LMF1: variants seen among roughly 807,000 people sequenced by gnomAD.
The protein encoded by LMF1 is lipase maturation factor 1.
LMF1 carries 68 observed loss-of-function variants against 60.6 expected under a neutral mutation model. The ratio of observed to expected loss-of-function variants is 1.12; its 90% CI spans 0.92 to 1.37. The LOEUF is 1.37. Ranked by LOEUF, LMF1 falls within the 40% of genes most tolerant of loss-of-function variation. The pLI is 0.00. For synonymous variants in LMF1, 418 were observed against 324.7 expected, an observed-to-expected ratio of 1.29 and a Z score of -3.09; for missense variants, 948 against 767.2, an observed-to-expected ratio of 1.24 and a Z score of -2.78.
intron 2 of LMF1, among the ~76,000 whole-genome samples, chr16:940,058 G>A (rs937657847): frequency 6.6e-6 from 1 of 152,192 alleles, no homozygotes; most frequent in African/African-American, 2.4e-5. Flanking sequence ...AGGGGAGGAG[G>A]CAAAGCGGCA....
chr16:975,138 T>C (rs1000920773), upstream of LMF1, among the ~76,000 whole-genome samples: 1 of 152,110 alleles, frequency 6.6e-6, no homozygotes, highest in Non-Finnish European at 1.5e-5. Flanking sequence ...TGGCTCACCC[T>C]GTCCTCTCCC....
At chr16:894,121 G>T (rs371734700) in intron 4 of LMF1, among the ~76,000 whole-genome samples, 2,340 of 7,730 alleles carry the variant, frequency 0.3, 471 homozygotes, top group African/African-American at 0.44. Context: ...CCTGTCCACC[G>T]GACCGTCTGC....
At chr16:860,466 A>C (rs576457868) in intron 10 of LMF1, among the ~76,000 whole-genome samples, 3 of 151,840 alleles carry the variant, frequency 2.0e-5, no homozygotes, top group African/African-American at 7.3e-5. Context: ...CAGCCTCCCG[A>C]GTAGCTGGGA....
In LMF1 at chr16:871,426, G is replaced by A. The variant is rs531327980; in HGVS notation, c.898-85C>T. 4.7e-4 allele frequency: 639 copies of A among 1,373,788 alleles called. 9 individuals are homozygous for A. The South Asian group carries it at 5.7e-3, about 12-fold the overall frequency. The allele number at this position is 1,373,788 out of a possible 1,614,324, so 85.1% of individuals were successfully genotyped here. On this transcript the variant is annotated intron_variant, in intron 6 of 10. Coordinates refer to ENST00000262301, the MANE Select transcript of LMF1 (RefSeq NM_022773.4). ...GGCGCCTCTCTTCCTGGAGCAGGGA[G>A]GGGGGAGGGAACCTGCACCCAGCTC...
At position 854,143 on chromosome 16, in the gene LMF1, C is replaced by T. The variant is rs568963656; in HGVS notation, c.*389G>A. On this transcript the variant is annotated 3_prime_UTR_variant, in exon 11 of 11. Coordinates refer to ENST00000262301, the MANE Select transcript of LMF1 (RefSeq NM_022773.4). Reference sequence around the variant, plus strand: ...AGGGAACAGAAACCAGGCCCTGGGACGCTAGAGACCCCAAGAGCTACCTGG... The same window carrying T: ...AGGGAACAGAAACCAGGCCCTGGGATGCTAGAGACCCCAAGAGCTACCTGG... 9.3e-5 allele frequency: 44 copies of T among 473,480 alleles called. No individual in the cohort carries two copies. The highest frequency in any genetic ancestry group is 6.5e-4 in the Middle Eastern group (1 of 1,546). The allele number at this position is 473,480 out of a possible 1,614,324, so 29.3% of individuals were successfully genotyped here.
intron 3 of LMF1, among the ~76,000 whole-genome samples, chr16:920,741 A>G (rs1242705667): frequency 1.3e-5 from 2 of 152,236 alleles, no homozygotes; most frequent in Admixed American, 1.3e-4. Flanking sequence ...TAGTCAAGAA[A>G]CTGGCAACGG....
rs551803096 is a variant in LMF1, at chr16:962,211, A to G, written c.194-7545T>C. Among the ~76,000 whole-genome samples the G allele has an allele frequency of 3.1e-5, 4 of 129,396 alleles. No individual in the cohort carries two copies. Among genetic ancestry groups the G allele is most frequent in the Admixed American group, 2.4e-4 (3 of 12,442 alleles). 84.9% of individuals were successfully genotyped at this position (129,396 alleles called of 152,430 possible). A position where few individuals can be genotyped will look rare whatever the true frequency, so the allele number is the denominator to read the frequency against. On this transcript the variant is annotated intron_variant, in intron 1 of 10. Coordinates refer to ENST00000262301, the MANE Select transcript of LMF1 (RefSeq NM_022773.4). This position sits in a 1 kb window ranked among gnomAD's most constrained non-coding sequence, Gnocchi z 4.5. ...GCACGGGATCACGACCCAGACACAG[A>G]CTCACGGTGACAGCATGGGATCACG...
rs59278278 is a variant in LMF1, at chr16:954,960, A to C, written c.194-294T>G. 3.2e-3 allele frequency among the ~76,000 whole-genome samples: 179 copies of C among 55,938 alleles called. 15 individuals carry two copies. Among genetic ancestry groups the C allele is most frequent in the African/African-American group, 0.026 (174 of 6,682 alleles). 36.7% of individuals were successfully genotyped at this position (55,938 alleles called of 152,430 possible). A position where few individuals can be genotyped will look rare whatever the true frequency, so the allele number is the denominator to read the frequency against. On this transcript the variant is annotated intron_variant, in intron 1 of 10. Coordinates refer to ENST00000262301, the MANE Select transcript of LMF1 (RefSeq NM_022773.4). Reference sequence around the variant, plus strand: ...CGCAGCAGACGCGGTGTGTGCATCCACACACACACATATCTAAGTGAACCA... The same window carrying C: ...CGCAGCAGACGCGGTGTGTGCATCCCCACACACACATATCTAAGTGAACCA...
intron 3 of LMF1, among the ~76,000 whole-genome samples, chr16:913,475 G>A (rs371058278): frequency 3.9e-5 from 6 of 152,222 alleles, no homozygotes; most frequent in South Asian, 2.1e-4. Flanking sequence ...CTGGCGCCTC[G>A]CCCGGTGCAC....
intron 10 of LMF1, chr16:855,122 G>A (rs7200333): frequency 0.024 from 7,213 of 294,962 alleles, 350 homozygotes; most frequent in African/African-American, 0.12. Context: ...ATGGTGTGGC[G>A]TCTCCACCAT....
chr16:879,339 T>C (rs1356901951), intron 6 of LMF1, among the ~76,000 whole-genome samples: 2 of 152,098 alleles, frequency 1.3e-5, no homozygotes, highest in African/African-American at 4.8e-5. Flanking sequence ...GAAACGCTCT[T>C]GGGAGGAGCC....
chr16:952,844 C>G (rs2044098771), intron 2 of LMF1, among the ~76,000 whole-genome samples: 1 of 141,342 alleles, frequency 7.1e-6, no homozygotes, highest in East Asian at 2.0e-4. Flanking sequence ...CCTACACGTC[C>G]ACACAGACAC....
chr16:970,864 G>A lies in LMF1; in HGVS notation c.117C>T (p.Gly39=). The A allele has an allele frequency of 6.4e-7, 1 of 1,562,982 alleles. No homozygotes were observed. ...TGCCCGTGTGGAGATGGGCCGGAGA[G>A]CCTGCGGGGCCACGCCCCGGCGCGG... The part of the protein sequence containing the change: ...SPPAPGRGPA[G]SPAHLHTGTF... The change falls in exon 1 of 11, where the codon GGC becomes GGT. Residue 39 remains glycine (G), a synonymous_variant. Coordinates refer to ENST00000262301, the MANE Select transcript of LMF1 (RefSeq NM_022773.4).
intron 3 of LMF1, among the ~76,000 whole-genome samples, chr16:919,356 G>A (rs914013505): frequency 2.0e-5 from 3 of 152,180 alleles, no homozygotes; most frequent in African/African-American, 7.2e-5. Flanking sequence ...GCAGGGGGCA[G>A]GGCAGCCCTG....
At chr16:942,898 T>C (rs1335705861) in intron 2 of LMF1, among the ~76,000 whole-genome samples, 3 of 152,222 alleles carry the variant, frequency 2.0e-5, no homozygotes, top group Admixed American at 6.5e-5. Context: ...GAAGCTCTGC[T>C]CGTTTCAATC....
intron 4 of LMF1, among the ~76,000 whole-genome samples, chr16:907,708 C>T (rs1186753338): frequency 6.6e-6 from 1 of 152,186 alleles, no homozygotes; most frequent in Non-Finnish European, 1.5e-5. Flanking sequence ...GCCTTCCTAG[C>T]CGGCTCTGTC....
rs1032212507 is a variant in LMF1, at chr16:970,934, C to T, written c.47G>A (p.Arg16Lys). 5 of 1,561,262 alleles carry T rather than the reference C, an allele frequency of 3.2e-6. No homozygotes were observed. The highest frequency in any genetic ancestry group is 2.6e-6 in the Non-Finnish European group (3 of 1,150,382). The change falls in exon 1 of 11, where the codon AGG becomes AAG. Residue 16 changes from arginine to lysine, a missense_variant. Coordinates refer to ENST00000262301, the MANE Select transcript of LMF1 (RefSeq NM_022773.4). ...PTMAAPAESL[R>K]RRKTGYSDPE... ...ATCCGAGTACCCAGTCTTCCGCCTC[C>T]TCAGCGACTCCGCGGGCGCCGCCAT...
chr16:930,132 G>A (rs78813580), intron 3 of LMF1, among the ~76,000 whole-genome samples: 3 of 64,142 alleles, frequency 4.7e-5, no homozygotes, highest in African/African-American at 1.3e-4. Context: ...CAGCAGTGGT[G>A]GCGTCCGTCT....
Position 943,370 on chromosome 16 carries a change from C to CA in LMF1, c.504-9117dup, listed in dbSNP as rs34995293. Among the ~76,000 whole-genome samples the CA allele has an allele frequency of 1.9e-3, 183 of 96,928 alleles. 2 individuals carry two copies. The highest frequency in any genetic ancestry group is 6.0e-3 in the East Asian group (19 of 3,182). 63.6% of individuals were successfully genotyped at this position (96,928 alleles called of 152,430 possible). On this transcript the variant is annotated intron_variant, in intron 2 of 10. Transcript: ENST00000262301. The stretch of plus-strand genomic sequence containing the variant: ...TGGGCGACAGAGCGAGACTCCATCT[C>CA]AAAAAAAAAAAAAAAAAAAGATTCA...
Sources: allele counts gnomAD v4.1 joint callset (sites outside exome capture counted in the v4.1 genomes callset), GRCh38; gene constraint gnomAD v4.1.1; non-coding constraint Gnocchi (gnomAD v3.1); transcripts MANE v1.5; gene names NCBI Gene and HGNC (gene_info 2026-07-23, HGNC 2026-07-21).